The following LPP variants were observed in gnomAD, a reference collection of about 807,000 sequenced individuals.
LPP encodes the protein lipoma-preferred partner.
LPP carries 38 observed loss-of-function variants against 60.4 expected under a neutral mutation model. The observed-to-expected ratio is 0.63, with a 90% CI of 0.49 to 0.83. LPP has a LOEUF of 0.83. LPP is among the 40% of genes least tolerant of loss of function. The pLI is 0.00. For missense variants in LPP, 902 were observed against 783.6 expected, an observed-to-expected ratio of 1.15 and a Z score of -1.80; for synonymous variants, 328 against 290.8, an observed-to-expected ratio of 1.13 and a Z score of -1.30.
chr3:188,303,222 A>AATAC (rs561463263), intron 2 of LPP, among the ~76,000 whole-genome samples: 146 of 152,316 alleles, frequency 9.6e-4, no homozygotes, highest in African/African-American at 3.4e-3. Flanking sequence ...CACCATAAAC[A>AATAC]ATACATAAAT....
intron 1 of LPP, among the ~76,000 whole-genome samples, chr3:188,154,574 A>G (rs1715598092): frequency 1.3e-5 from 2 of 152,218 alleles, no homozygotes; most frequent in African/African-American, 4.8e-5. Flanking sequence ...GCGGAATCAC[A>G]GTTGTCACAG....
intron 9 of LPP, among the ~76,000 whole-genome samples, chr3:188,800,561 T>C (rs1746898970): frequency 1.3e-5 from 2 of 152,270 alleles, no homozygotes; most frequent in East Asian, 1.9e-4. Context: ...TTCTGCAGGA[T>C]ATATTTTTAA....
intron 6 of LPP, among the ~76,000 whole-genome samples, chr3:188,570,511 A>G (rs753483323): frequency 4.6e-5 from 7 of 152,062 alleles, no homozygotes; most frequent in Non-Finnish European, 8.8e-5. Context: ...AGTGGCTTAA[A>G]GGACAATTGG....
At position 188,866,290 on chromosome 3, in the gene LPP, A is replaced by G. The variant is rs1437528256; in HGVS notation, c.1501A>G (p.Thr501Ala). The stretch of plus-strand genomic sequence containing the variant: ...GAAGGCCTATCATCCTCACTGTTTC[A>G]CCTGCGTGATGTGCCACCGCAGCCT... ...TGKAYHPHCF[T>A]CVMCHRSLDG... The change falls in exon 10 of 12, where the codon ACC becomes GCC. Residue 501 changes from threonine (T) to alanine (A), a missense_variant. Transcript: ENST00000617246. 1.3e-6 allele frequency: 2 copies of G among 1,592,880 alleles called. No homozygotes were observed. Among genetic ancestry groups the G allele is most frequent in the Non-Finnish European group, 1.7e-6 (2 of 1,169,062 alleles).
intron 2 of LPP, among the ~76,000 whole-genome samples, chr3:188,318,280 C>G (rs535294141): frequency 6.6e-6 from 1 of 152,260 alleles, no homozygotes; most frequent in African/African-American, 2.4e-5. Context: ...AAAGAGCTAA[C>G]TTAGGCAATT....
chr3:188,453,949 C>T (rs1797176699), intron 4 of LPP, among the ~76,000 whole-genome samples: 1 of 152,162 alleles, frequency 6.6e-6, no homozygotes, highest in Non-Finnish European at 1.5e-5. Context: ...ACATTCTTCT[C>T]ATTCCATATA....
chr3:188,795,999 T>A (rs1040068385), intron 9 of LPP, among the ~76,000 whole-genome samples: 2 of 152,156 alleles, frequency 1.3e-5, no homozygotes, highest in Non-Finnish European at 2.9e-5. Context: ...ATTCAGCCAA[T>A]CTCAGTTGAC....
chr3:188,733,991 G>C (rs193001345), intron 8 of LPP, among the ~76,000 whole-genome samples: 10 of 152,184 alleles, frequency 6.6e-5, no homozygotes, highest in Non-Finnish European at 1.2e-4. Flanking sequence ...TTCCTAAGAA[G>C]TGTGTATATG....
chr3:188,844,944 C>A (rs1761042557), intron 9 of LPP, among the ~76,000 whole-genome samples: 1 of 152,288 alleles, frequency 6.6e-6, no homozygotes, highest in Admixed American at 6.5e-5. Context: ...TGCAATTACA[C>A]CTTCATTAGG....
intron 2 of LPP, among the ~76,000 whole-genome samples, chr3:188,283,593 T>A (rs1742866635): frequency 6.6e-6 from 1 of 152,150 alleles, no homozygotes; most frequent in Non-Finnish European, 1.5e-5. Context: ...CTCATTCAGA[T>A]AAGTATGCTA....
At chr3:188,166,700 C>T (rs963674930) in intron 1 of LPP, among the ~76,000 whole-genome samples, 1 of 152,204 alleles carries the variant, frequency 6.6e-6, no homozygotes, top group Non-Finnish European at 1.5e-5. Context: ...CTTCCTGTTC[C>T]CTGCCTGTGC....
At chr3:188,839,936 T>G (rs1036493107) in intron 9 of LPP, among the ~76,000 whole-genome samples, 1 of 152,228 alleles carries the variant, frequency 6.6e-6, no homozygotes, top group Non-Finnish European at 1.5e-5. Context: ...CTCAACTTTT[T>G]AAACTTTAGT....
At chr3:188,480,869 A>G (rs1366882079) in intron 4 of LPP, among the ~76,000 whole-genome samples, 2 of 152,218 alleles carry the variant, frequency 1.3e-5, no homozygotes, top group East Asian at 3.8e-4. Flanking sequence ...TTCCTCCAGA[A>G]GGATCACCAC....
intron 1 of LPP, among the ~76,000 whole-genome samples, chr3:188,181,578 T>C (rs548160329): frequency 4.6e-5 from 7 of 152,340 alleles, no homozygotes; most frequent in Admixed American, 3.9e-4. Context: ...TCAAGATTCT[T>C]TTAACTATAG....
intron 7 of LPP, among the ~76,000 whole-genome samples, chr3:188,634,762 G>A (rs940767199): frequency 7.9e-5 from 12 of 152,160 alleles, no homozygotes; most frequent in Non-Finnish European, 1.6e-4. Context: ...GGGAAAACAA[G>A]CTCAGGGCTC....
chr3:188,614,412 C>T (rs1196877063), intron 7 of LPP, among the ~76,000 whole-genome samples: 1 of 152,122 alleles, frequency 6.6e-6, no homozygotes, highest in African/African-American at 2.4e-5. Context: ...ATAGATCCCT[C>T]AAGTCAGTAG....
intron 1 of LPP, among the ~76,000 whole-genome samples, chr3:188,202,606 TGGG>T (rs1731386203): frequency 6.6e-6 from 1 of 152,232 alleles, no homozygotes. Flanking sequence ...CAGTTGATCC[TGGG>T]GAGTGGCTTG....
intron 5 of LPP, among the ~76,000 whole-genome samples, chr3:188,487,823 A>G (rs557810551): frequency 6.6e-6 from 1 of 152,276 alleles, no homozygotes; most frequent in East Asian, 1.9e-4. Context: ...TATAGCTGGT[A>G]AATGTGTGTT....
At chr3:188,827,029 G>A (rs963189605) in intron 9 of LPP, among the ~76,000 whole-genome samples, 6 of 152,146 alleles carry the variant, frequency 3.9e-5, no homozygotes, top group African/African-American at 1.4e-4. Context: ...GAATGCTGGT[G>A]CAAACAGTTC....
Sources: allele counts gnomAD v4.1 joint callset (sites outside exome capture counted in the v4.1 genomes callset), GRCh38; gene constraint gnomAD v4.1.1; transcripts MANE v1.5; gene names NCBI Gene and HGNC (gene_info 2026-07-23, HGNC 2026-07-21).